Variants in PELP1 observed in about 807,000 individuals in gnomAD.
The protein encoded by PELP1 is proline, glutamate and leucine rich protein 1.
Under a neutral mutation model 95.5 loss-of-function variants are expected in PELP1, and 32 were observed. The observed-to-expected ratio is 0.34, with a 90% CI of 0.25 to 0.45. The LOEUF is 0.45. PELP1 is among the 20% of genes least tolerant of loss of function. PELP1 has a pLI of 1.00. For synonymous variants in PELP1, 668 were observed against 600.1 expected (o/e 1.11, Z -1.65); for missense variants, 1,358 against 1,444.8 (o/e 0.94, Z 0.97).
chr17:4,695,317 G>A (rs899626721), intron 1 of PELP1, among the ~76,000 whole-genome samples: 30 of 53,830 alleles, frequency 5.6e-4, no homozygotes, highest in African/African-American at 1.7e-3. Flanking sequence ...GTGAGACTCC[G>A]TCTGGAAAAA....
In PELP1 at chr17:4,703,972, G is replaced by A. The variant is rs367920370; in HGVS notation, c.140C>T (p.Pro47Leu). The A allele has an allele frequency of 3.1e-6, 5 of 1,613,512 alleles. No individual in the cohort carries two copies. The African/African-American group carries it at 5.3e-5, about 17-fold the overall frequency. Residue 47 changes from proline (P) to leucine (L), a missense_variant, in exon 1 of 17, where the codon CCT (proline) becomes CTT (leucine). Around this residue, in one of 7 missense-constraint regions of PELP1, gnomAD observed 169 missense variants for 134.9 expected, o/e 1.25. Coordinates refer to ENST00000572293, the MANE Select transcript of PELP1 (RefSeq NM_014389.3). The part of the protein sequence containing the change: ...LLESVSGLLQ[P>L]RTGSAVAPVH... The stretch of plus-strand genomic sequence containing the variant: ...CGGAGCAACGGCAGACCCCGTTCGA[G>A]GTTGCAGCAAACCAGAAACACTCTC...
intron 1 of PELP1, among the ~76,000 whole-genome samples, chr17:4,692,444 G>A (rs532842797): frequency 1.4e-5 from 2 of 145,422 alleles, no homozygotes; most frequent in East Asian, 4.1e-4. Context: ...TCCAGCCTGG[G>A]CAACAGAGCG....
chr17:4,697,725 G>A (rs7214635), intron 1 of PELP1, among the ~76,000 whole-genome samples: 121,319 of 152,092 alleles, frequency 0.8, 48,570 homozygotes, highest in East Asian at 1. Context: ...GGGTTGTTTC[G>A]GCAGCATTTA....
chr17:4,675,894 A>ATCAGAGCAGGGAGACCT lies in PELP1; in HGVS notation c.981-27_981-11dup. The ATCAGAGCAGGGAGACCT allele has an allele frequency of 1.3e-6, 2 of 1,588,542 alleles. No homozygotes were observed. Among genetic ancestry groups the ATCAGAGCAGGGAGACCT allele is most frequent in the Non-Finnish European group, 1.7e-6 (2 of 1,167,138 alleles). On this transcript the variant is annotated splice_polypyrimidine_tract_variant and intron_variant, in intron 8 of 16. Coordinates refer to ENST00000572293, the MANE Select transcript of PELP1 (RefSeq NM_014389.3). This position sits in a 1 kb window ranked among gnomAD's most constrained non-coding sequence, Gnocchi z 4.3. ...AGCTCCAAACTCAGAGCTAAAGAGA[A>ATCAGAGCAGGGAGACCT]TCAGAGCAGGGAGACCTTCAGAGCA...
At position 4,673,024 on chromosome 17, in the gene PELP1, G is replaced by A. The variant is rs961943979; in HGVS notation, c.1967C>T (p.Ala656Val). The A allele has an allele frequency of 2.0e-6, 3 of 1,535,228 alleles. No homozygotes were observed. Among genetic ancestry groups the A allele is most frequent in the African/African-American group, 1.4e-5 (1 of 72,244 alleles). Reference protein sequence around the residue: ...PTPAPVPPPEAPSPFRAPPFH... With the variant: ...PTPAPVPPPEVPSPFRAPPFH... The stretch of plus-strand genomic sequence containing the variant: ...CGGTGGGGCCCTGAAGGGCGATGGG[G>A]CCTCAGGAGGGGGAACTGGAGCAGG... Residue 656 changes from alanine to valine, a missense_variant, in exon 16 of 17, where the codon GCC becomes GTC. Transcript: ENST00000572293. This position sits in a 1 kb window ranked among gnomAD's most constrained non-coding sequence, Gnocchi z 5.7.
At chr17:4,680,288 T>A (rs1224611010) in intron 5 of PELP1, among the ~76,000 whole-genome samples, 1 of 152,166 alleles carries the variant, frequency 6.6e-6, no homozygotes, top group African/African-American at 2.4e-5. Flanking sequence ...ATTTTCTTTC[T>A]TTTTTTGGAG....
At chr17:4,695,257 G>A (rs1479546521) in intron 1 of PELP1, among the ~76,000 whole-genome samples, 1 of 151,970 alleles carries the variant, frequency 6.6e-6, no homozygotes, top group Non-Finnish European at 1.5e-5. Flanking sequence ...GGGAGGCAGA[G>A]GTCGCAGTGA....
Position 4,704,022 on chromosome 17 carries a change from G to C in PELP1, c.90C>G (p.Gly30=). 1 of 1,613,086 alleles carries C rather than the reference G, an allele frequency of 6.2e-7. No homozygotes were observed. Among genetic ancestry groups the C allele is most frequent in the Non-Finnish European group, 8.5e-7 (1 of 1,179,724 alleles). ...CCAGCAGCAGCAGGCGGAGCCGCGGGCCCGAGCTCACTGCCGAGAGACCCC... is the reference window on the plus strand; with the variant it reads ...CCAGCAGCAGCAGGCGGAGCCGCGGCCCCGAGCTCACTGCCGAGAGACCCC... The part of the protein sequence containing the change: ...GTGGLSAVSS[G]PRLRLLLLES... The change falls in exon 1 of 17, where the codon GGC becomes GGG. Residue 30 remains glycine (G), a synonymous_variant. Coordinates refer to ENST00000572293, the MANE Select transcript of PELP1 (RefSeq NM_014389.3).
chr17:4,683,390 T>C (rs1400613400), intron 3 of PELP1, among the ~76,000 whole-genome samples: 1 of 151,698 alleles, frequency 6.6e-6, no homozygotes, highest in Non-Finnish European at 1.5e-5. Context: ...CTGACTAATT[T>C]TTTGTATTTT....
chr17:4,675,652 G>A lies in PELP1; in HGVS notation c.1068+145C>T, dbSNP rs1912431595. The A allele has an allele frequency of 1.4e-6, 1 of 728,774 alleles. No homozygotes were observed. The highest frequency in any genetic ancestry group is 2.5e-6 in the Non-Finnish European group (1 of 397,318). 45.1% of individuals were successfully genotyped at this position (728,774 alleles called of 1,614,324 possible). ...TGTGCTCCTGTGTCACGACACATAG[G>A]AAGTGATGTTATTTGGACAAAAGTA... is the stretch of plus-strand genomic sequence containing the variant. On this transcript the variant is annotated intron_variant, in intron 9 of 16. Coordinates refer to ENST00000572293, the MANE Select transcript of PELP1 (RefSeq NM_014389.3). The surrounding 1 kb of genome is among the most constrained non-coding windows in gnomAD (Gnocchi z 4.3).
intron 3 of PELP1, among the ~76,000 whole-genome samples, chr17:4,684,165 G>A (rs575279869): frequency 7.2e-5 from 11 of 152,114 alleles, no homozygotes; most frequent in South Asian, 2.1e-4. Flanking sequence ...CCTGCTAGAC[G>A]AGACGAGGCC....
At chr17:4,685,665 C>T (rs1448308122) in intron 3 of PELP1, among the ~76,000 whole-genome samples, 1 of 151,314 alleles carries the variant, frequency 6.6e-6, no homozygotes, top group Non-Finnish European at 1.5e-5. Context: ...TGGTGGTACA[C>T]GCCTGTAGTC....
Position 4,673,850 on chromosome 17 carries a change from C to T in PELP1, c.1583-176G>A, listed in dbSNP as rs776754553. 1.5e-4 allele frequency: 91 copies of T among 598,078 alleles called. No homozygotes were observed. The highest frequency in any genetic ancestry group is 2.2e-4 in the Non-Finnish European group (74 of 330,260). The allele number at this position is 598,078 out of a possible 1,614,324, so 37.0% of individuals were successfully genotyped here. A position where few individuals can be genotyped will look rare whatever the true frequency, so the allele number is the denominator to read the frequency against. ...AAAGTACCTCTACTGTATAGGGCCA[C>T]TGACGGTATTTAATTGAGACAATGT... On this transcript the variant is annotated intron_variant, in intron 13 of 16. Transcript: ENST00000572293. This position sits in a 1 kb window ranked among gnomAD's most constrained non-coding sequence, Gnocchi z 5.7.
chr17:4,672,570 T>TGTGGCACCTGAGGGTGGTGGGG lies in PELP1; in HGVS notation c.2399_2420dup (p.Pro809ThrfsTer29). 1.0e-6 allele frequency: 1 copy of TGTGGCACCTGAGGGTGGTGGGG among 994,600 alleles called. No individual in the cohort carries two copies. The highest frequency in any genetic ancestry group is 1.3e-6 in the Non-Finnish European group (1 of 762,634). 61.6% of individuals were successfully genotyped at this position (994,600 alleles called of 1,614,324 possible). The stretch of plus-strand genomic sequence containing the variant: ...GCCCAGTGGGGGCTATAGGGGGTGG[T>TGTGGCACCTGAGGGTGGTGGGG]GTGGCACCTGAGGGTGGTGGGGGTG... On this transcript the variant is annotated frameshift_variant, in exon 16 of 17. Coordinates refer to ENST00000572293, the MANE Select transcript of PELP1 (RefSeq NM_014389.3). LOFTEE classifies it high-confidence loss of function.
At chr17:4,684,222 T>C (rs972333874) in intron 3 of PELP1, among the ~76,000 whole-genome samples, 15 of 152,134 alleles carry the variant, frequency 9.9e-5, no homozygotes. Context: ...CAGGCAGGCC[T>C]ACCAACGACA....
Position 4,704,042 on chromosome 17 carries a change from G to C in PELP1, c.70C>G (p.Leu24Val), listed in dbSNP as rs1913672077. 1 of 1,612,704 alleles carries C rather than the reference G, an allele frequency of 6.2e-7. No homozygotes were observed. The highest frequency in any genetic ancestry group is 8.5e-7 in the Non-Finnish European group (1 of 1,179,678). Residue 24 changes from leucine to valine, a missense_variant, in exon 1 of 17, where the codon CTC becomes GTC. Physicochemically the swap from Leu to Val is conservative, Grantham distance 32 (BLOSUM62 1). Around this residue, in one of 7 missense-constraint regions of PELP1, gnomAD observed 169 missense variants for 134.9 expected, o/e 1.25. Transcript: ENST00000572293. Reference sequence around the variant, plus strand: ...CGCGGGCCCGAGCTCACTGCCGAGAGACCCCCGGTCCCGCCAGGAACCCCA... The same window carrying C: ...CGCGGGCCCGAGCTCACTGCCGAGACACCCCCGGTCCCGCCAGGAACCCCA... ...AAGVPGGTGGLSAVSSGPRLR... is the reference protein window; with the variant it reads ...AAGVPGGTGGVSAVSSGPRLR...
rs1357999807 is a variant in PELP1, at chr17:4,703,910, C to A, written c.202G>T (p.Gly68Trp). 1.9e-6 allele frequency: 3 copies of A among 1,613,446 alleles called. No homozygotes were observed. The highest frequency in any genetic ancestry group is 2.5e-6 in the Non-Finnish European group (3 of 1,179,708). ...TGCAGCCGCAATAGGCACATGAGCC[C>A]GGGCAAATGTGGGGCCGAGCGGTTT... Reference protein sequence around the residue: ...PPNRSAPHLPGLMCLLRLHGS... With the variant: ...PPNRSAPHLPWLMCLLRLHGS... Residue 68 changes from glycine to tryptophan, a missense_variant, in exon 1 of 17, where the codon GGG becomes TGG. By Grantham distance (184) the Gly-to-Trp change is radical (BLOSUM62 -2). Around this residue, in one of 7 missense-constraint regions of PELP1, gnomAD observed 169 missense variants for 134.9 expected, o/e 1.25. Coordinates refer to ENST00000572293, the MANE Select transcript of PELP1 (RefSeq NM_014389.3).
Position 4,703,997 on chromosome 17 carries a change from C to T in PELP1, c.115G>A (p.Glu39Lys), listed in dbSNP as rs1222283988. 6.2e-7 allele frequency: 1 copy of T among 1,613,392 alleles called. No homozygotes were observed. Among genetic ancestry groups the T allele is most frequent in the African/African-American group, 1.3e-5 (1 of 74,934 alleles). ...SGPRLRLLLL[E>K]SVSGLLQPRT... ...GGTTGCAGCAAACCAGAAACACTCTCCAGCAGCAGCAGGCGGAGCCGCGGG... is the reference window on the plus strand; with the variant it reads ...GGTTGCAGCAAACCAGAAACACTCTTCAGCAGCAGCAGGCGGAGCCGCGGG... Residue 39 changes from glutamate to lysine, a missense_variant, in exon 1 of 17, where the codon GAG (glutamate) becomes AAG (lysine). Glu to Lys is a moderately conservative substitution (Grantham distance 56). Coordinates refer to ENST00000572293, the MANE Select transcript of PELP1 (RefSeq NM_014389.3).
intron 1 of PELP1, chr17:4,696,700 T>C (rs1281994231): frequency 1.3e-5 from 2 of 152,080 alleles, no homozygotes; most frequent in South Asian, 2.1e-4. Context: ...AGACAAATGA[T>C]GATGCAGCTT....
Sources: allele counts gnomAD v4.1 joint callset (sites outside exome capture counted in the v4.1 genomes callset), GRCh38; gene constraint gnomAD v4.1.1; regional missense constraint gnomAD v4.1.1; non-coding constraint Gnocchi (gnomAD v3.1); transcripts MANE v1.5; gene names NCBI Gene and HGNC (gene_info 2026-07-23, HGNC 2026-07-21).